TSHZ2: variants seen among roughly 807,000 people sequenced by gnomAD.
TSHZ2 encodes teashirt homolog 2.
A neutral mutation model predicts 74.4 loss-of-function variants in TSHZ2; 21 were observed. That is an observed-to-expected ratio of 0.28 (90% CI 0.20 to 0.41). TSHZ2 has a LOEUF of 0.41. TSHZ2 is among the 10% of genes least tolerant of loss of function. The pLI is 1.00. For missense variants in TSHZ2, 1,244 were observed against 1,293.5 expected (o/e 0.96, Z 0.59); for synonymous variants, 540 against 515.3 (o/e 1.05, Z -0.65).
chr20:53,192,451 G>A (rs1988758895), intron 1 of TSHZ2, among the ~76,000 whole-genome samples: 1 of 152,026 alleles, frequency 6.6e-6, no homozygotes, highest in East Asian at 1.9e-4. Context: ...AAAAAAGAAA[G>A]GGAGAAAGTG....
intron 2 of TSHZ2, among the ~76,000 whole-genome samples, chr20:53,301,768 CA>C (rs2052154894): frequency 6.6e-6 from 1 of 152,196 alleles, no homozygotes; most frequent in Admixed American, 6.5e-5. Context: ...CTGCAACCCC[CA>C]ACTTTCAGGT....
At chr20:53,379,871 A>G (rs1981794859) in intron 2 of TSHZ2, among the ~76,000 whole-genome samples, 1 of 152,190 alleles carries the variant, frequency 6.6e-6, no homozygotes, top group Non-Finnish European at 1.5e-5. Context: ...TGATCTTACC[A>G]TAGATTTCCC....
Position 53,177,732 on chromosome 20 carries a change from T to TTTATTTTTATTTATTTTA in TSHZ2, c.41-75767_41-75766insTTATTTTTATTTATTTTA, listed in dbSNP as rs561062169. On this transcript the variant is annotated intron_variant, in intron 1 of 2. Coordinates refer to ENST00000371497, the MANE Select transcript of TSHZ2 (RefSeq NM_173485.6). Reference sequence around the variant, plus strand: ...CATTATTTTTCTTCTGATTTTAAAATAAATAAAAATCTGGTCATGGACCCA... The same window carrying TTTATTTTTATTTATTTTA: ...CATTATTTTTCTTCTGATTTTAAAATTTATTTTTATTTATTTTAAAATAAAAATCTGGTCATGGACCCA... Among the ~76,000 whole-genome samples the TTTATTTTTATTTATTTTA allele has an allele frequency of 5.4e-3, 821 of 152,268 alleles. 4 individuals are homozygous for TTTATTTTTATTTATTTTA. The highest frequency in any genetic ancestry group is 0.01 in the Middle Eastern group (3 of 294).
chr20:53,182,865 C>T (rs1600728404), intron 1 of TSHZ2, among the ~76,000 whole-genome samples: 2 of 152,252 alleles, frequency 1.3e-5, no homozygotes, highest in African/African-American at 4.8e-5. Flanking sequence ...CAAATTTAGA[C>T]ACAAACCATT....
chr20:53,308,363 CA>C (rs1351298737), intron 2 of TSHZ2, among the ~76,000 whole-genome samples: 1 of 152,024 alleles, frequency 6.6e-6, no homozygotes, highest in African/African-American at 2.4e-5. Flanking sequence ...TAGGTGACAC[CA>C]GTGACTTGTA....
At chr20:53,218,855 C>T (rs1051578640) in intron 1 of TSHZ2, among the ~76,000 whole-genome samples, 1 of 152,086 alleles carries the variant, frequency 6.6e-6, no homozygotes, top group Non-Finnish European at 1.5e-5. Flanking sequence ...TGTTACTTTC[C>T]TTGTCTCTGG....
intron 2 of TSHZ2, among the ~76,000 whole-genome samples, chr20:53,257,729 C>T (rs1004857477): frequency 3.7e-4 from 57 of 152,216 alleles, no homozygotes; most frequent in African/African-American, 1.4e-3. Context: ...GGGAACCCAA[C>T]CTGAACTAAA....
chr20:53,115,211 G>T (rs1164376672), intron 1 of TSHZ2, among the ~76,000 whole-genome samples: 2 of 152,168 alleles, frequency 1.3e-5, no homozygotes, highest in East Asian at 1.9e-4. Flanking sequence ...ATAAATATGT[G>T]ATTGAATTTT....
At chr20:53,436,548 ATT>A (rs11411794) in intron 2 of TSHZ2, among the ~76,000 whole-genome samples, 2 of 99,912 alleles carry the variant, frequency 2.0e-5, no homozygotes, top group Non-Finnish European at 1.8e-5. Flanking sequence ...TATTATTATT[ATT>A]TTTTTTTTTT....
At chr20:53,233,567 C>T (rs1194374790) in intron 1 of TSHZ2, among the ~76,000 whole-genome samples, 1 of 152,160 alleles carries the variant, frequency 6.6e-6, no homozygotes, top group Non-Finnish European at 1.5e-5. Flanking sequence ...ATTATCCTTG[C>T]TTTACAGATG....
At chr20:53,441,366 C>T (rs546450605) in intron 2 of TSHZ2, among the ~76,000 whole-genome samples, 5 of 150,818 alleles carry the variant, frequency 3.3e-5, no homozygotes, top group East Asian at 2.0e-4. Flanking sequence ...CCTGGGTTCC[C>T]GCCATTCTCC....
chr20:53,315,038 G>A (rs1013484953), intron 2 of TSHZ2, among the ~76,000 whole-genome samples: 1 of 152,160 alleles, frequency 6.6e-6, no homozygotes, highest in African/African-American at 2.4e-5. Flanking sequence ...TGTTTTATTG[G>A]TCAAGTCACA....
Position 53,255,090 on chromosome 20 carries a change from C to T in TSHZ2, c.1632C>T (p.Ile544=). The T allele has an allele frequency of 6.2e-7, 1 of 1,614,150 alleles. No individual in the cohort carries two copies. Among genetic ancestry groups the T allele is most frequent in the Non-Finnish European group, 8.5e-7 (1 of 1,180,044 alleles). ...CCAGCTGGAGTGCCTACCCCAGCAT[C>T]CACGCAGCCTACCAGCTGTCTGAGG... ...GAPSWSAYPS[I]HAAYQLSEGT... The change falls in exon 2 of 3, where the codon ATC becomes ATT. Residue 544 remains isoleucine, a synonymous_variant. Coordinates refer to ENST00000371497, the MANE Select transcript of TSHZ2 (RefSeq NM_173485.6). The surrounding 1 kb of genome is among the most constrained non-coding windows in gnomAD (Gnocchi z 4.1).
Position 53,175,120 on chromosome 20 carries a change from T to C in TSHZ2, c.41-78379T>C, listed in dbSNP as rs372527742. 2.5e-3 allele frequency among the ~76,000 whole-genome samples: 367 copies of C among 145,858 alleles called. 1 individual carries two copies. The highest frequency in any genetic ancestry group is 3.9e-3 in the Non-Finnish European group (258 of 66,512). The stretch of plus-strand genomic sequence containing the variant: ...GGCTTTTTCTTCTCCTTCTCCTCCT[T>C]CTTCTTCTTTCTTTTTTTTTTTTTT... On this transcript the variant is annotated intron_variant, in intron 1 of 2. Transcript: ENST00000371497.
chr20:53,204,650 A>G (rs1989119407), intron 1 of TSHZ2, among the ~76,000 whole-genome samples: 1 of 151,910 alleles, frequency 6.6e-6, no homozygotes, highest in Non-Finnish European at 1.5e-5. Flanking sequence ...CACAGACACC[A>G]TTTACCGGGT....
At chr20:53,067,604 G>A (rs1985032353) in intron 1 of TSHZ2, among the ~76,000 whole-genome samples, 1 of 152,204 alleles carries the variant, frequency 6.6e-6, no homozygotes, top group Non-Finnish European at 1.5e-5. Flanking sequence ...CTCCCAAGCT[G>A]CTTCCAGAGC....
intron 2 of TSHZ2, among the ~76,000 whole-genome samples, chr20:53,407,569 C>T (rs1982896708): frequency 6.6e-6 from 1 of 152,206 alleles, no homozygotes; most frequent in South Asian, 2.1e-4. Context: ...TAAGTTTGCA[C>T]AGCTTCTTCC....
Position 53,251,472 on chromosome 20 carries a change from C to T in TSHZ2, c.41-2027C>T, listed in dbSNP as rs149002448. Among the ~76,000 whole-genome samples, 1,098 of 152,242 alleles carry T rather than the reference C, an allele frequency of 7.2e-3. 3 individuals are homozygous for T. Among genetic ancestry groups the T allele is most frequent in the Middle Eastern group, 0.024 (7 of 294 alleles). On this transcript the variant is annotated intron_variant, in intron 1 of 2. Transcript: ENST00000371497. ...TGATACCGACAGGAATAATCTAATTCGGCCATATGGTCATTTTAAACTACA... is the reference window on the plus strand; with the variant it reads ...TGATACCGACAGGAATAATCTAATTTGGCCATATGGTCATTTTAAACTACA...
chr20:53,262,489 A>G (rs1990624226), intron 2 of TSHZ2, among the ~76,000 whole-genome samples: 1 of 152,240 alleles, frequency 6.6e-6, no homozygotes, highest in Non-Finnish European at 1.5e-5. Flanking sequence ...CTCGGTGAGC[A>G]GATTAAAGCT....
Sources: allele counts gnomAD v4.1 joint callset (sites outside exome capture counted in the v4.1 genomes callset), GRCh38; gene constraint gnomAD v4.1.1; non-coding constraint Gnocchi (gnomAD v3.1); transcripts MANE v1.5; gene names NCBI Gene and HGNC (gene_info 2026-07-23, HGNC 2026-07-21).